Variants in GPC3 observed in about 807,000 individuals in gnomAD.
GPC3 encodes glypican-3.
Under a neutral mutation model 34.4 loss-of-function variants are expected in GPC3, and 3 were observed. The ratio of observed to expected loss-of-function variants is 0.09; its 90% CI spans 0.04 to 0.23. GPC3 has a LOEUF of 0.23. GPC3 is among the 10% of genes least tolerant of loss of function. The pLI, the probability that GPC3 is intolerant of heterozygous loss-of-function variation, is 1.00. For synonymous variants in GPC3, 177 were observed against 174.0 expected (o/e 1.02, Z -0.13); for missense variants, 351 against 445.6 (o/e 0.79, Z 1.91).
At chrX:133,710,630 G>A (rs145676313) in intron 3 of GPC3, among the ~76,000 whole-genome samples, 130 of 111,677 alleles carry the variant, frequency 1.2e-3, no homozygotes, top group African/African-American at 4.1e-3. Context: ...GTCTGCTCTG[G>A]AATATCTGGA....
intron 2 of GPC3, among the ~76,000 whole-genome samples, chrX:133,798,641 T>C (rs2075593830): frequency 1.8e-5 from 2 of 112,530 alleles, no homozygotes; most frequent in African/African-American, 6.4e-5. Flanking sequence ...GTTCAAATGT[T>C]GTTGCTGCTG....
intron 7 of GPC3, among the ~76,000 whole-genome samples, chrX:133,555,742 C>T (rs1019812104): frequency 6.4e-5 from 7 of 109,573 alleles, no homozygotes; most frequent in South Asian, 4.1e-4. Context: ...GCAGGAGAAT[C>T]GCTTGAACCT....
chrX:133,901,493 T>C (rs1262734586), intron 2 of GPC3, among the ~76,000 whole-genome samples: 1 of 111,491 alleles, frequency 9.0e-6, no homozygotes, highest in African/African-American at 3.3e-5. Context: ...CAGGCTGCAG[T>C]GCAGTGGCAC....
intron 6 of GPC3, among the ~76,000 whole-genome samples, chrX:133,656,806 G>A (rs1403579294): frequency 8.9e-6 from 1 of 111,776 alleles, no homozygotes; most frequent in Non-Finnish European, 1.9e-5. Context: ...GGTGGGAAGG[G>A]AACAACCTTT....
rs1347704951 is a variant in GPC3 at position 133,745,223 on chromosome X, CAG to C, written c.1032+8257_1032+8258del. 7.1e-5 allele frequency among the ~76,000 whole-genome samples: 8 copies of C among 111,975 alleles called. No individual in the cohort carries two copies. In the East Asian group the frequency reaches 2.2e-3, roughly 31 times the overall value. ...AGGACCACAGGGGTACTCAGAATAT[CAG>C]GCCATGGTGAGATCTTCTTGGACTT... On this transcript the variant is annotated intron_variant, in intron 3 of 7. Coordinates refer to ENST00000370818, the MANE Select transcript of GPC3 (RefSeq NM_004484.4).
chrX:133,958,008 AAAATT>A (rs2076423962), intron 1 of GPC3, among the ~76,000 whole-genome samples: 1 of 111,755 alleles, frequency 8.9e-6, no homozygotes, highest in Non-Finnish European at 1.9e-5. Flanking sequence ...AGACGCTAAA[AAAATT>A]AACTGAAGTC....
At chrX:133,718,444 G>A (rs965566246) in intron 3 of GPC3, among the ~76,000 whole-genome samples, 1 of 111,355 alleles carries the variant, frequency 9.0e-6, no homozygotes, top group Non-Finnish European at 1.9e-5. Flanking sequence ...GGTTAAAAAT[G>A]ATAGGAGAAT....
chrX:133,745,382 A>G (rs1394617858), intron 3 of GPC3, among the ~76,000 whole-genome samples: 1 of 112,396 alleles, frequency 8.9e-6, no homozygotes, highest in African/African-American at 3.2e-5. Flanking sequence ...TAGAAGTTCA[A>G]TAAAAGAGAA....
intron 5 of GPC3, among the ~76,000 whole-genome samples, chrX:133,681,008 G>A (rs778458647): frequency 8.9e-6 from 1 of 111,870 alleles, no homozygotes; most frequent in East Asian, 2.8e-4. Context: ...TGAGAGGGGG[G>A]TAGGTGTTCC....
At chrX:133,725,649 T>G (rs1603233994) in intron 3 of GPC3, among the ~76,000 whole-genome samples, 1 of 111,918 alleles carries the variant, frequency 8.9e-6, no homozygotes, top group African/African-American at 3.3e-5. Context: ...AAAAATGAGT[T>G]ATTGTGAATA....
chrX:133,761,566 G>A (rs1190737710), intron 2 of GPC3, among the ~76,000 whole-genome samples: 1 of 111,778 alleles, frequency 8.9e-6, no homozygotes, highest in Non-Finnish European at 1.9e-5. Flanking sequence ...CTTTTCACAG[G>A]CTATTATATA....
At chrX:133,757,328 T>C (rs1243421806) in intron 2 of GPC3, among the ~76,000 whole-genome samples, 3 of 111,627 alleles carry the variant, frequency 2.7e-5, no homozygotes, top group Non-Finnish European at 5.7e-5. Flanking sequence ...GTTGTCAATG[T>C]CCTCCTTAAA....
At position 133,773,119 on chromosome X, in the gene GPC3, T is replaced by G. The variant is rs752266774; in HGVS notation, c.338-18943A>C. ...TCTTGCCCAGGCTGGAGTGCAATGG[T>G]GCAATCTCGGCTCACTGCAACCTCC... On this transcript the variant is annotated intron_variant, in intron 2 of 7. Transcript: ENST00000370818. Among the ~76,000 whole-genome samples, 3 of 111,320 alleles carry G rather than the reference T, an allele frequency of 2.7e-5. No homozygotes were observed. The South Asian group carries it at 1.2e-3, about 43-fold the overall frequency.
At chrX:133,596,283 T>C in intron 7 of GPC3, 157 bp downstream of exon 7, 1 of 520,849 alleles carries the variant, frequency 1.9e-6, no homozygotes, top group Admixed American at 3.1e-5. Context: ...ACCTGAGAAC[T>C]TCACTTTCTA....
At chrX:133,831,079 A>G (rs1308048995) in intron 2 of GPC3, among the ~76,000 whole-genome samples, 1 of 111,799 alleles carries the variant, frequency 8.9e-6, no homozygotes, top group Non-Finnish European at 1.9e-5. Context: ...TACAGAATAG[A>G]CCAGTGGTTA....
chrX:133,907,950 A>T (rs926173037), intron 2 of GPC3, among the ~76,000 whole-genome samples: 2 of 109,519 alleles, frequency 1.8e-5, no homozygotes, highest in African/African-American at 6.7e-5. Context: ...TATATATGTT[A>T]CATATATATA....
intron 6 of GPC3, among the ~76,000 whole-genome samples, chrX:133,660,298 A>T: frequency 8.9e-6 from 1 of 112,584 alleles, no homozygotes; most frequent in Middle Eastern, 4.6e-3. Flanking sequence ...CTGTTCTTGC[A>T]TAAGGATTTC....
At position 133,985,541 on chromosome X, in the gene GPC3, G is replaced by C; in HGVS notation, c.-92C>G. 3 of 872,111 alleles carry C rather than the reference G, an allele frequency of 3.4e-6. No individual in the cohort carries two copies. The highest frequency in any genetic ancestry group is 3.2e-6 in the Non-Finnish European group (2 of 616,414). The allele number at this position is 872,111 out of a possible 1,213,427, so 71.9% of individuals were successfully genotyped here. On this transcript the variant is annotated 5_prime_UTR_variant, in exon 1 of 8. Coordinates refer to ENST00000370818, the MANE Select transcript of GPC3 (RefSeq NM_004484.4). The stretch of plus-strand genomic sequence containing the variant: ...CGGCAAGCCTGGCAGTGGCCCTGAG[G>C]AGCAAGAGACGTGCTGCTACCCAGC...
At chrX:133,585,347 G>A (rs188500135) in intron 7 of GPC3, among the ~76,000 whole-genome samples, 4 of 110,952 alleles carry the variant, frequency 3.6e-5, no homozygotes, top group East Asian at 2.8e-4. Flanking sequence ...CCCCTTCTCC[G>A]AGCAGGACCT....
Sources: allele counts gnomAD v4.1 joint callset (sites outside exome capture counted in the v4.1 genomes callset), GRCh38; gene constraint gnomAD v4.1.1; transcripts MANE v1.5; gene names NCBI Gene and HGNC (gene_info 2026-07-23, HGNC 2026-07-21).